KIZ: variants seen among roughly 807,000 people sequenced by gnomAD.
KIZ encodes the protein kizuna centrosomal protein, also known as centrosomal protein kizuna.
A neutral mutation model predicts 79.6 loss-of-function variants in KIZ; 68 were observed. The ratio of observed to expected loss-of-function variants is 0.85; its 90% confidence interval spans 0.70 to 1.05. The LOEUF is 1.05. KIZ is among the 50% of genes least tolerant of loss of function. The pLI, the probability that KIZ is intolerant of heterozygous loss-of-function variation, is 0.00. For missense variants in KIZ, 797 were observed against 800.4 expected, an observed-to-expected ratio of 1.00 and a Z score of 0.05; for synonymous variants, 280 against 281.8, an observed-to-expected ratio of 0.99 and a Z score of 0.06.
chr20:21,133,743 G>A (rs909365269), intron 2 of KIZ, among the ~76,000 whole-genome samples: 3 of 152,216 alleles, frequency 2.0e-5, no homozygotes, highest in Non-Finnish European at 4.4e-5. Context: ...ATTTGACAAG[G>A]TGGTCACCTA....
rs141868992 is a variant in KIZ, at chr20:21,234,747, A to C, written c.1880+1917A>C. ...GTGAGCTGATGAGCAACCTCAAAAA[A>C]AGAAAAAAAAAAAACCCACTGGACC... On this transcript the variant is annotated intron_variant, in intron 11 of 12. Transcript: ENST00000619189. Among the ~76,000 whole-genome samples the C allele has an allele frequency of 5.8e-3, 885 of 151,800 alleles. 4 individuals carry two copies. Among genetic ancestry groups the C allele is most frequent in the African/African-American group, 0.018 (732 of 41,346 alleles).
At chr20:21,242,536 G>T (rs2037252334) in intron 11 of KIZ, among the ~76,000 whole-genome samples, 1 of 149,690 alleles carries the variant, frequency 6.7e-6, no homozygotes, top group South Asian at 2.2e-4. Context: ...GGTGAGGACT[G>T]CAGGAAGTAT....
At chr20:21,207,422 TC>T (rs1211456389) in intron 7 of KIZ, among the ~76,000 whole-genome samples, 1 of 149,854 alleles carries the variant, frequency 6.7e-6, no homozygotes, top group Non-Finnish European at 1.5e-5. Context: ...CATATTTGTT[TC>T]AGACCCCCTC....
At chr20:21,172,844 ACTT>A (rs983312752) in intron 6 of KIZ, among the ~76,000 whole-genome samples, 1 of 152,070 alleles carries the variant, frequency 6.6e-6, no homozygotes, top group African/African-American at 2.4e-5. Flanking sequence ...CTTAGTTTAT[ACTT>A]CTTCTCTCCT....
chr20:21,183,633 C>G (rs1158082900), intron 6 of KIZ, among the ~76,000 whole-genome samples: 2 of 152,146 alleles, frequency 1.3e-5, no homozygotes, highest in African/African-American at 4.8e-5. Context: ...ATTTTATAAT[C>G]AAAGAATTAG....
chr20:21,205,780 A>T (rs2035803037), intron 7 of KIZ, among the ~76,000 whole-genome samples, 196 bp downstream of exon 7: 1 of 152,048 alleles, frequency 6.6e-6, no homozygotes, highest in Admixed American at 6.6e-5. Context: ...GGCCAACATG[A>T]TGAAACCCCG....
intron 7 of KIZ, among the ~76,000 whole-genome samples, chr20:21,211,862 G>A (rs1036321278): frequency 3.9e-5 from 6 of 152,212 alleles, no homozygotes; most frequent in South Asian, 2.1e-4. Flanking sequence ...GCCCAGGAAC[G>A]CAGATCACGT....
At chr20:21,197,936 A>G (rs753338717) in intron 6 of KIZ, 2 of 152,208 alleles carry the variant, frequency 1.3e-5, no homozygotes, top group African/African-American at 4.8e-5. Flanking sequence ...TGGGGGTGGC[A>G]GCTATGAAAA....
intron 6 of KIZ, among the ~76,000 whole-genome samples, chr20:21,199,741 A>G (rs1385071870): frequency 1.3e-5 from 2 of 152,230 alleles, no homozygotes; most frequent in Non-Finnish European, 1.5e-5. Flanking sequence ...CAGTTTGATC[A>G]ACCATTGCAG....
At chr20:21,168,266 C>T (rs2034042447) in intron 6 of KIZ, among the ~76,000 whole-genome samples, 1 of 152,164 alleles carries the variant, frequency 6.6e-6, no homozygotes, top group South Asian at 2.1e-4. Context: ...TTTTTTATGG[C>T]TGCATAGTAT....
intron 7 of KIZ, among the ~76,000 whole-genome samples, chr20:21,211,118 G>A (rs886130775): frequency 2.6e-5 from 4 of 152,074 alleles, no homozygotes; most frequent in East Asian, 1.9e-4. Flanking sequence ...TATCACAACC[G>A]TAAGTTTTTG....
chr20:21,217,245 T>A (rs1161344000), intron 9 of KIZ, among the ~76,000 whole-genome samples: 4 of 152,200 alleles, frequency 2.6e-5, no homozygotes. Flanking sequence ...CCCATGAAAT[T>A]CATGTTTGAG....
intron 3 of KIZ, among the ~76,000 whole-genome samples, chr20:21,141,819 ACACACTCT>A (rs58478924): frequency 1.5e-3 from 212 of 142,380 alleles, no homozygotes; most frequent in African/African-American, 5.0e-3. Flanking sequence ...ACACACACAC[ACACACTCT>A]CTCTCTCTCT....
intron 6 of KIZ, among the ~76,000 whole-genome samples, chr20:21,181,076 T>C (rs1437363373): frequency 6.6e-6 from 1 of 152,240 alleles, no homozygotes; most frequent in African/African-American, 2.4e-5. Context: ...AGGAGATTCA[T>C]CATTCCAGAT....
Position 21,162,938 on chromosome 20 carries a change from C to T in KIZ, c.1131C>T (p.Asp377=), listed in dbSNP as rs2033747543. 1 of 1,613,550 alleles carries T rather than the reference C, an allele frequency of 6.2e-7. No individual in the cohort carries two copies. Among genetic ancestry groups the T allele is most frequent in the Non-Finnish European group, 8.5e-7 (1 of 1,179,662 alleles). ...AGGAAAGTTGGAGCACCAGCAGTGACCTTACCATTTCAATAAGTGAAGATG... is the reference window on the plus strand; with the variant it reads ...AGGAAAGTTGGAGCACCAGCAGTGATCTTACCATTTCAATAAGTGAAGATG... ...EEEESWSTSS[D]LTISISEDDL... is the part of the protein sequence containing the mutation. The change falls in exon 6 of 13, where the codon GAC becomes GAT. Residue 377 remains aspartate (D), a synonymous_variant. Transcript: ENST00000619189.
At chr20:21,181,200 T>C (rs1044589218) in intron 6 of KIZ, among the ~76,000 whole-genome samples, 14 of 152,130 alleles carry the variant, frequency 9.2e-5, no homozygotes, top group African/African-American at 3.4e-4. Flanking sequence ...ACAGCACCAC[T>C]GTAGGCCCAG....
chr20:21,240,223 C>T (rs553206011), intron 11 of KIZ, among the ~76,000 whole-genome samples: 4 of 152,244 alleles, frequency 2.6e-5, no homozygotes, highest in African/African-American at 7.2e-5. Flanking sequence ...CTCCAAGGTT[C>T]AAGCGATTCT....
intron 4 of KIZ, among the ~76,000 whole-genome samples, chr20:21,149,571 C>T (rs771088897): frequency 6.6e-5 from 10 of 152,232 alleles, no homozygotes; most frequent in Non-Finnish European, 1.3e-4. Flanking sequence ...GTGGCTTTAG[C>T]CACGGATCTG....
At chr20:21,182,260 A>C (rs1323387664) in intron 6 of KIZ, among the ~76,000 whole-genome samples, 1 of 152,200 alleles carries the variant, frequency 6.6e-6, no homozygotes, top group Non-Finnish European at 1.5e-5. Context: ...GTCTGAGGAC[A>C]CAGTGAGGAG....
Sources: gnomAD v4.1 joint callset for allele counts (sites outside exome capture counted in the v4.1 genomes callset) on GRCh38, gnomAD v4.1.1 for gene constraint, MANE v1.5 for transcripts, NCBI Gene and HGNC (gene_info 2026-07-23, HGNC 2026-07-21) for gene names.